The following MMP26 variants were observed in gnomAD, a reference collection of about 807,000 sequenced individuals.
The protein encoded by MMP26 is matrix metalloproteinase-26.
In MMP26, 33 loss-of-function variants were observed where a neutral mutation model predicts 31.0. The ratio of observed to expected loss-of-function variants is 1.06; its 90% CI spans 0.81 to 1.42. The LOEUF (loss-of-function observed/expected upper bound fraction) is 1.42, where lower values mean the gene tolerates loss of function less well. Among genes scored for constraint, MMP26 ranks in the 40% most tolerant of loss-of-function variants. The pLI, the probability that MMP26 is intolerant of heterozygous loss-of-function variation, is 0.00. For synonymous variants in MMP26, 122 were observed against 114.9 expected, an observed-to-expected ratio of 1.06 and a Z score of -0.40; for missense variants, 347 against 316.1, an observed-to-expected ratio of 1.10 and a Z score of -0.74.
chr11:4,733,999 G>C (rs1848206440), intron 1 of MMP26, among the ~76,000 whole-genome samples: 1 of 151,820 alleles, frequency 6.6e-6, no homozygotes, highest in South Asian at 2.1e-4. Flanking sequence ...AATCAACTTT[G>C]CATTCTTGGA....
chr11:4,725,879 A>AGT (rs1165643587), intron 1 of MMP26, among the ~76,000 whole-genome samples: 2 of 152,158 alleles, frequency 1.3e-5, no homozygotes, highest in Non-Finnish European at 2.9e-5. Context: ...AGACTACCTG[A>AGT]GTGTGTCCTG....
intron 2 of MMP26, among the ~76,000 whole-genome samples, chr11:4,966,482 T>G (rs756376358): frequency 2.0e-5 from 3 of 152,108 alleles, no homozygotes; most frequent in Non-Finnish European, 2.9e-5. Context: ...TGGCTCTGGT[T>G]AAACTGATTT....
chr11:4,934,710 T>A (rs1039804624), intron 2 of MMP26, among the ~76,000 whole-genome samples: 1 of 147,974 alleles, frequency 6.8e-6, no homozygotes, highest in Non-Finnish European at 1.5e-5. Flanking sequence ...TGGTTTTAGG[T>A]CTAACGTTTA....
At position 4,933,885 on chromosome 11, in the gene MMP26, C is replaced by T. The variant is rs568668130; in HGVS notation, c.-144-54183C>T. Reference sequence around the variant, plus strand: ...GATGATTTCCAATTTCATCCATGTCCCTACAAAGGACGTGAACTCATCATT... The same window carrying T: ...GATGATTTCCAATTTCATCCATGTCTCTACAAAGGACGTGAACTCATCATT... On this transcript the variant is annotated intron_variant, in intron 2 of 7. Coordinates refer to ENST00000380390, the MANE Select transcript of MMP26 (RefSeq NM_021801.5). Among the ~76,000 whole-genome samples, 951 of 149,544 alleles carry T rather than the reference C, an allele frequency of 6.4e-3. 23 individuals carry two copies. The highest frequency in any genetic ancestry group is 0.022 in the African/African-American group (908 of 40,640).
At chr11:4,710,632 C>T (rs1439722543) in intron 1 of MMP26, 6 of 352,578 alleles carry the variant, frequency 1.7e-5, no homozygotes, top group African/African-American at 4.3e-5. Flanking sequence ...TCTTTCTATT[C>T]TGATGATCCA....
intron 2 of MMP26, among the ~76,000 whole-genome samples, chr11:4,898,994 C>T (rs1048850376): frequency 5.3e-5 from 8 of 152,054 alleles, no homozygotes; most frequent in African/African-American, 1.9e-4. Context: ...AAATCTGGAA[C>T]TGGAACAACC....
At chr11:4,822,377 A>G (rs1323835880) in intron 2 of MMP26, 6 of 1,461,444 alleles carry the variant, frequency 4.1e-6, no homozygotes, top group African/African-American at 1.4e-5. Context: ...TCTAATCATC[A>G]GCTATTTCTG....
At chr11:4,717,364 G>T (rs964975528) in intron 1 of MMP26, among the ~76,000 whole-genome samples, 1 of 152,158 alleles carries the variant, frequency 6.6e-6, no homozygotes, top group Admixed American at 6.5e-5. Context: ...TTGAGACTAG[G>T]TAATGGGGGT....
At chr11:4,934,316 G>T (rs2133593804) in intron 2 of MMP26, among the ~76,000 whole-genome samples, 1 of 147,652 alleles carries the variant, frequency 6.8e-6, no homozygotes, top group African/African-American at 2.6e-5. Context: ...GAATTTCTCT[G>T]ATGGCCAGTG....
At chr11:4,949,205 TTTA>T (rs1415424828) in intron 2 of MMP26, among the ~76,000 whole-genome samples, 3 of 124,238 alleles carry the variant, frequency 2.4e-5, no homozygotes, top group African/African-American at 8.2e-5. Flanking sequence ...CTTTTTTATC[TTTA>T]TTATTATTTT....
chr11:4,986,905 T>TTCTCTC (rs71050445), intron 2 of MMP26, among the ~76,000 whole-genome samples: 828 of 48,506 alleles, frequency 0.017, 35 homozygotes, highest in Middle Eastern at 0.052. Context: ...CTTCCTTCCT[T>TTCTCTC]TCTCTCTCTC....
chr11:4,760,726 G>T (rs1258691527), intron 1 of MMP26, among the ~76,000 whole-genome samples: 1 of 152,068 alleles, frequency 6.6e-6, no homozygotes, highest in African/African-American at 2.4e-5. Flanking sequence ...AAAAGATGTG[G>T]TCATTTTACT....
rs189677249 is a variant in MMP26, at chr11:4,873,424, A to G, written c.-145+106083A>G. Among the ~76,000 whole-genome samples, 168 of 152,266 alleles carry G rather than the reference A, an allele frequency of 1.1e-3. 1 individual carries two copies. Among genetic ancestry groups the G allele is most frequent in the Non-Finnish European group, 1.5e-3 (100 of 68,012 alleles). On this transcript the variant is annotated intron_variant, in intron 2 of 7. Coordinates refer to ENST00000380390, the MANE Select transcript of MMP26 (RefSeq NM_021801.5). ...ACAGTAAGCATTAATGATAAAGTGC[A>G]AAGTCATTGAGACAGATCCACCAAA...
At chr11:4,902,455 CT>C (rs1342646302) in intron 2 of MMP26, among the ~76,000 whole-genome samples, 1 of 152,078 alleles carries the variant, frequency 6.6e-6, no homozygotes, top group Non-Finnish European at 1.5e-5. Context: ...CGATTTTGTT[CT>C]TTTTTTGTGG....
intron 2 of MMP26, among the ~76,000 whole-genome samples, chr11:4,919,711 A>G (rs1851153368): frequency 6.6e-6 from 1 of 152,156 alleles, no homozygotes; most frequent in Admixed American, 6.5e-5. Context: ...TCACTTTACA[A>G]TCATAAGTGA....
intron 2 of MMP26, chr11:4,875,926 C>T (rs1377674785): frequency 6.6e-6 from 1 of 152,156 alleles, no homozygotes; most frequent in Non-Finnish European, 1.5e-5. Flanking sequence ...CTCACAGACT[C>T]TTAGGAATAC....
intron 2 of MMP26, among the ~76,000 whole-genome samples, chr11:4,952,354 CT>C (rs1846382796): frequency 8.0e-6 from 1 of 124,544 alleles, no homozygotes; most frequent in South Asian, 2.4e-4. Flanking sequence ...TTATATTGAG[CT>C]GCCTATCCTC....
intron 2 of MMP26, among the ~76,000 whole-genome samples, chr11:4,785,981 G>A (rs577550456): frequency 6.6e-6 from 1 of 152,114 alleles, no homozygotes; most frequent in Non-Finnish European, 1.5e-5. Context: ...TGCCCACTTG[G>A]CAAAACATGC....
At chr11:4,725,049 G>A (rs964646157) in intron 1 of MMP26, among the ~76,000 whole-genome samples, 3 of 152,048 alleles carry the variant, frequency 2.0e-5, no homozygotes, top group Non-Finnish European at 4.4e-5. Context: ...GTGATTTCTC[G>A]TGAGATCTGG....
Sources: gnomAD v4.1 joint callset for allele counts (sites outside exome capture counted in the v4.1 genomes callset) on GRCh38, gnomAD v4.1.1 for gene constraint, MANE v1.5 for transcripts, NCBI Gene and HGNC (gene_info 2026-07-23, HGNC 2026-07-21) for gene names.